The following GRB10 variants were observed in gnomAD, a reference collection of about 807,000 sequenced individuals.
GRB10 encodes the protein growth factor receptor bound protein 10, also known as growth factor receptor-bound protein 10.
In GRB10, 20 loss-of-function variants were observed where a neutral mutation model predicts 80.9. The observed-to-expected ratio is 0.25, with a 90% CI of 0.17 to 0.36. GRB10 has a LOEUF of 0.36. GRB10 is among the 10% of genes least tolerant of loss of function. The pLI is 1.00. For synonymous variants in GRB10, 291 were observed against 291.5 expected (o/e 1.00, Z 0.02); for missense variants, 548 against 747.7 (o/e 0.73, Z 3.12).
intron 15 of GRB10, 44 bp from the exon 16 acceptor site, chr7:50,604,421 C>CGGT (rs1230616570): frequency 1.0e-5 from 15 of 1,487,038 alleles, no homozygotes; most frequent in Non-Finnish European, 1.4e-5. Flanking sequence ...AGCAGACAGA[C>CGGT]ACACCAAGTC....
intron 2 of GRB10, among the ~76,000 whole-genome samples, chr7:50,771,138 A>T (rs1202965897): frequency 6.6e-6 from 1 of 152,230 alleles, no homozygotes; most frequent in Non-Finnish European, 1.5e-5. Context: ...GAGTCCATGG[A>T]GACTTCTTCA....
intron 7 of GRB10, among the ~76,000 whole-genome samples, chr7:50,633,001 G>A (rs776508213): frequency 2.6e-5 from 4 of 152,084 alleles, no homozygotes; most frequent in African/African-American, 7.2e-5. Context: ...TGGGAATCCC[G>A]CCCATGGCCA....
intron 3 of GRB10, among the ~76,000 whole-genome samples, chr7:50,735,812 T>C (rs1057187845): frequency 5.3e-5 from 8 of 152,172 alleles, no homozygotes; most frequent in Admixed American, 3.3e-4. Context: ...GTTTATATAA[T>C]ATTGTGATAT....
intron 3 of GRB10, among the ~76,000 whole-genome samples, chr7:50,733,263 G>A (rs1030248097): frequency 2.0e-5 from 3 of 152,072 alleles, no homozygotes; most frequent in African/African-American, 7.2e-5. Context: ...AAACCAAATC[G>A]GCCGATACCT....
At chr7:50,593,828 A>G (rs1394277692) in intron 18 of GRB10, among the ~76,000 whole-genome samples, 3 of 152,172 alleles carry the variant, frequency 2.0e-5, no homozygotes, top group Non-Finnish European at 4.4e-5. Flanking sequence ...TCGTAACTCT[A>G]AAACCATTGC....
At chr7:50,693,762 C>T (rs540682573) in intron 5 of GRB10, among the ~76,000 whole-genome samples, 1 of 152,016 alleles carries the variant, frequency 6.6e-6, no homozygotes, top group African/African-American at 2.4e-5. Context: ...TTGGGGCGCC[C>T]GAGGTACACA....
chr7:50,688,455 C>A (rs376995800), intron 5 of GRB10, among the ~76,000 whole-genome samples: 1 of 152,126 alleles, frequency 6.6e-6, no homozygotes, highest in Admixed American at 6.5e-5. Flanking sequence ...TTTGTCAGGA[C>A]CAAAGAATGA....
chr7:50,778,444 A>T (rs2077929174), intron 2 of GRB10, among the ~76,000 whole-genome samples: 1 of 152,212 alleles, frequency 6.6e-6, no homozygotes, highest in Non-Finnish European at 1.5e-5. Context: ...GGCAGGCACA[A>T]ATACAAACAT....
At chr7:50,767,142 T>A (rs1029946417) in intron 2 of GRB10, among the ~76,000 whole-genome samples, 25 of 152,230 alleles carry the variant, frequency 1.6e-4, no homozygotes, top group Admixed American at 9.2e-4. Context: ...TATTTAGTTC[T>A]CTTGGTCTCC....
intron 8 of GRB10, among the ~76,000 whole-genome samples, chr7:50,620,783 G>A (rs111420275): frequency 6.6e-6 from 1 of 152,258 alleles, no homozygotes; most frequent in African/African-American, 2.4e-5. Context: ...AAACTGTTAC[G>A]TTTGCTTTCC....
chr7:50,617,987 G>T lies in GRB10; in HGVS notation c.846+84C>A, dbSNP rs1336989247. 4 of 1,167,202 alleles carry T rather than the reference G, an allele frequency of 3.4e-6. No individual in the cohort carries two copies. The Admixed American group carries it at 6.7e-5, about 20-fold the overall frequency. 72.3% of individuals were successfully genotyped at this position (1,167,202 alleles called of 1,614,324 possible). ...ATGGTGAAAGATGCGATCTCTTTAGGTTTTTTACAATGCTGCCATTCAGTT... is the reference window on the plus strand; with the variant it reads ...ATGGTGAAAGATGCGATCTCTTTAGTTTTTTTACAATGCTGCCATTCAGTT... On this transcript the variant is annotated intron_variant, in intron 10 of 18. Transcript: ENST00000401949.
chr7:50,707,360 C>A (rs373145527), intron 4 of GRB10, among the ~76,000 whole-genome samples: 2 of 152,170 alleles, frequency 1.3e-5, no homozygotes, highest in Non-Finnish European at 2.9e-5. Flanking sequence ...ACCCTGCTCA[C>A]GTGTTATAAT....
At chr7:50,783,411 C>T (rs1296868608), upstream of GRB10, among the ~76,000 whole-genome samples, 1 of 127,530 alleles carries the variant, frequency 7.8e-6, no homozygotes, top group Non-Finnish European at 1.7e-5. Context: ...AGTCACTTCA[C>T]ACACACACAC....
intron 5 of GRB10, among the ~76,000 whole-genome samples, chr7:50,683,045 T>C (rs942511975): frequency 3.9e-5 from 6 of 152,164 alleles, no homozygotes; most frequent in African/African-American, 1.4e-4. Flanking sequence ...AACAGCACTA[T>C]TCACAACCCA....
At chr7:50,660,012 G>C (rs2059078464) in intron 7 of GRB10, among the ~76,000 whole-genome samples, 1 of 152,200 alleles carries the variant, frequency 6.6e-6, no homozygotes, top group Admixed American at 6.5e-5. Flanking sequence ...CAATGACCTT[G>C]GAAGATGACT....
chr7:50,665,040 C>T (rs748135395), intron 7 of GRB10, among the ~76,000 whole-genome samples: 2 of 152,138 alleles, frequency 1.3e-5, no homozygotes, highest in African/African-American at 2.4e-5. Context: ...AAATTAAATG[C>T]CATTTAATAA....
intron 7 of GRB10, among the ~76,000 whole-genome samples, chr7:50,635,956 C>T (rs1297249950): frequency 2.3e-4 from 21 of 92,766 alleles, no homozygotes; most frequent in African/African-American, 3.9e-4. Flanking sequence ...TTTTTTTTTT[C>T]CTTTCCTTTT....
chr7:50,744,599 G>A (rs1256857466), intron 3 of GRB10, among the ~76,000 whole-genome samples: 1 of 152,110 alleles, frequency 6.6e-6, no homozygotes, highest in Non-Finnish European at 1.5e-5. Context: ...AGCTCTTTGG[G>A]AGCACTTCCA....
chr7:50,726,978 A>G (rs1009853659), intron 4 of GRB10: 2 of 152,224 alleles, frequency 1.3e-5, no homozygotes, highest in Admixed American at 1.3e-4. Context: ...AGGGGAGAAC[A>G]TGAAGGTCCC....
Sources: allele counts gnomAD v4.1 joint callset (sites outside exome capture counted in the v4.1 genomes callset), GRCh38; gene constraint gnomAD v4.1.1; transcripts MANE v1.5; gene names NCBI Gene and HGNC (gene_info 2026-07-23, HGNC 2026-07-21).